PBX3: variants seen among roughly 807,000 people sequenced by gnomAD.
PBX3 encodes the protein pre-B-cell leukemia transcription factor 3.
A neutral mutation model predicts 48.5 loss-of-function variants in PBX3; 14 were observed. The ratio of observed to expected loss-of-function variants is 0.29; its 90% CI spans 0.19 to 0.45. The LOEUF (loss-of-function observed/expected upper bound fraction) is 0.45. Ranked by LOEUF, PBX3 falls within the 20% of genes least tolerant of loss-of-function variation. The pLI is 1.00. For missense variants in PBX3, 386 were observed against 546.7 expected (o/e 0.71, Z 2.93); for synonymous variants, 210 against 200.3 (o/e 1.05, Z -0.41).
chr9:125,872,935 C>T (rs1259985645), intron 2 of PBX3, among the ~76,000 whole-genome samples: 1 of 151,250 alleles, frequency 6.6e-6, no homozygotes, highest in Non-Finnish European at 1.5e-5. Context: ...CGCGGTGGCT[C>T]ACGTCTGTAA....
chr9:125,852,930 A>C (rs1416078758), intron 2 of PBX3, among the ~76,000 whole-genome samples: 3 of 152,188 alleles, frequency 2.0e-5, no homozygotes, highest in African/African-American at 7.2e-5. Flanking sequence ...CCTTTGATGC[A>C]TACTTAATAC....
chr9:125,950,657 T>C (rs1310296239), intron 5 of PBX3, among the ~76,000 whole-genome samples: 1 of 152,110 alleles, frequency 6.6e-6, no homozygotes, highest in African/African-American at 2.4e-5. Context: ...AATTTTTGTA[T>C]TTTTAGTAGA....
chr9:125,889,461 G>A (rs1038197290), intron 2 of PBX3, among the ~76,000 whole-genome samples: 2 of 152,176 alleles, frequency 1.3e-5, no homozygotes, highest in African/African-American at 2.4e-5. Context: ...TGGATGTATG[G>A]GAGCTCGGTT....
chr9:125,827,299 TGTTAA>T (rs1231415377), intron 2 of PBX3, among the ~76,000 whole-genome samples: 1 of 152,202 alleles, frequency 6.6e-6, no homozygotes, highest in Non-Finnish European at 1.5e-5. Flanking sequence ...TATTTCTTCC[TGTTAA>T]GTTTAATAAA....
At chr9:125,829,379 C>T (rs1179736325) in intron 2 of PBX3, among the ~76,000 whole-genome samples, 1 of 152,050 alleles carries the variant, frequency 6.6e-6, no homozygotes, top group East Asian at 1.9e-4. Context: ...ATACACTTGT[C>T]ACGTTTCTGG....
intron 5 of PBX3, among the ~76,000 whole-genome samples, chr9:125,937,345 C>T (rs1490738312): frequency 6.6e-6 from 1 of 151,842 alleles, no homozygotes; most frequent in Non-Finnish European, 1.5e-5. Flanking sequence ...AACCCACTTA[C>T]CAGTGTGTTT....
chr9:125,962,931 A>G (rs1185931912), intron 7 of PBX3, 81 bp from the exon 8 acceptor site: 1 of 640,266 alleles, frequency 1.6e-6, no homozygotes, highest in South Asian at 2.9e-5. Context: ...TGTGGCACAC[A>G]TAATTCAAAT....
chr9:125,803,366 G>A (rs1334645743), intron 2 of PBX3, among the ~76,000 whole-genome samples: 1 of 151,854 alleles, frequency 6.6e-6, no homozygotes, highest in African/African-American at 2.4e-5. Context: ...GGGATTACAG[G>A]CATGAGCCAC....
intron 2 of PBX3, among the ~76,000 whole-genome samples, chr9:125,820,455 C>T (rs1838617959): frequency 1.3e-5 from 2 of 152,226 alleles, no homozygotes; most frequent in African/African-American, 4.8e-5. Flanking sequence ...AAACCTGTAG[C>T]ATCTCACAGT....
chr9:125,921,729 T>A (rs1169244608), intron 3 of PBX3, among the ~76,000 whole-genome samples: 1 of 152,166 alleles, frequency 6.6e-6, no homozygotes, highest in Non-Finnish European at 1.5e-5. Flanking sequence ...ATTTGTTGAT[T>A]TAATAAGCAT....
intron 2 of PBX3, among the ~76,000 whole-genome samples, chr9:125,750,688 T>G (rs1434316457): frequency 6.6e-6 from 1 of 152,226 alleles, no homozygotes; most frequent in Non-Finnish European, 1.5e-5. Context: ...CTTTTTGTGC[T>G]TTGGCCAGTG....
At chr9:125,885,427 T>G (rs1472343869) in intron 2 of PBX3, among the ~76,000 whole-genome samples, 1 of 152,174 alleles carries the variant, frequency 6.6e-6, no homozygotes, top group Non-Finnish European at 1.5e-5. Flanking sequence ...ATATATAGAT[T>G]ATTCCCGTCT....
At chr9:125,890,081 G>A (rs1840604875) in intron 2 of PBX3, among the ~76,000 whole-genome samples, 1 of 152,182 alleles carries the variant, frequency 6.6e-6, no homozygotes, top group Non-Finnish European at 1.5e-5. Flanking sequence ...CAAAGTTAGT[G>A]CTTTTCCAAT....
Position 125,772,769 on chromosome 9 carries a change from C to T in PBX3, c.274+24146C>T, listed in dbSNP as rs759173720. ...TATCTTATCTATTCATTTATCTCTT[C>T]GAGAAACATACTGGGGCATGTGTTT... On this transcript the variant is annotated intron_variant, in intron 2 of 8. Coordinates refer to ENST00000373489, the MANE Select transcript of PBX3 (RefSeq NM_006195.6). Among the ~76,000 whole-genome samples, 119 of 152,088 alleles carry T rather than the reference C, an allele frequency of 7.8e-4. 1 individual carries two copies. The highest frequency in any genetic ancestry group is 1.4e-3 in the Non-Finnish European group (95 of 68,020).
chr9:125,790,586 T>A (rs866049930), intron 2 of PBX3, among the ~76,000 whole-genome samples: 10 of 151,920 alleles, frequency 6.6e-5, no homozygotes, highest in East Asian at 3.9e-4. Context: ...TTAATTTTTT[T>A]AAAACAGAGT....
chr9:125,955,811 A>C (rs1842293856), intron 5 of PBX3, among the ~76,000 whole-genome samples: 1 of 152,190 alleles, frequency 6.6e-6, no homozygotes, highest in South Asian at 2.1e-4. Context: ...AGTTTTGCTA[A>C]TTATTTTGAG....
rs200632889 is a variant in PBX3, at chr9:125,919,553, T to TAA, written c.516+3629_516+3630dup. ...TTTCCAGAAATTATATTTTTCCTCC[T>TAA]AAAAGTGAACATGGGTACTCTGAGT... On this transcript the variant is annotated intron_variant, in intron 3 of 8. Coordinates refer to ENST00000373489, the MANE Select transcript of PBX3 (RefSeq NM_006195.6). Among the ~76,000 whole-genome samples the TAA allele has an allele frequency of 7.8e-4, 119 of 152,140 alleles. 3 individuals carry two copies. In the East Asian group the frequency reaches 0.021, roughly 27 times the overall value.
chr9:125,809,967 A>T (rs1305955492), intron 2 of PBX3, among the ~76,000 whole-genome samples: 1 of 152,200 alleles, frequency 6.6e-6, no homozygotes, highest in East Asian at 1.9e-4. Context: ...TTGTTTTGAA[A>T]ATGTGAGGAT....
At chr9:125,831,140 C>T (rs1046996862) in intron 2 of PBX3, among the ~76,000 whole-genome samples, 4 of 152,144 alleles carry the variant, frequency 2.6e-5, no homozygotes, top group East Asian at 3.8e-4. Flanking sequence ...ATTTAATTTA[C>T]GCTTCTATTT....
Sources: allele counts gnomAD v4.1 joint callset (sites outside exome capture counted in the v4.1 genomes callset), GRCh38; gene constraint gnomAD v4.1.1; transcripts MANE v1.5; gene names NCBI Gene and HGNC (gene_info 2026-07-23, HGNC 2026-07-21).